CNOT4: variants seen among roughly 807,000 people sequenced by gnomAD.
CNOT4 encodes the protein CCR4-NOT transcription complex subunit 4, also known as CCR4-associated factor 4.
A neutral mutation model predicts 73.8 loss-of-function variants in CNOT4; 8 were observed. That is an observed-to-expected ratio of 0.11 (90% CI 0.06 to 0.20). The LOEUF is 0.20. Ranked by LOEUF, CNOT4 falls within the 10% of genes least tolerant of loss-of-function variation. The probability of loss-of-function intolerance (pLI) is 1.00; values close to 1 mark genes in which losing one functional copy is unlikely to be tolerated. For missense variants in CNOT4, 564 were observed against 883.4 expected (o/e 0.64, Z 4.58); for synonymous variants, 293 against 321.1 (o/e 0.91, Z 0.94).
chr7:135,384,485 C>T, intron 10 of CNOT4: 4 of 528,576 alleles, frequency 7.6e-6, no homozygotes, highest in Non-Finnish European at 1.4e-5. Context: ...CGGGGTTTCA[C>T]CGTGTTAGCC....
chr7:135,508,717 C>T (rs537129010), intron 1 of CNOT4, among the ~76,000 whole-genome samples: 40 of 152,298 alleles, frequency 2.6e-4, no homozygotes, highest in African/African-American at 9.1e-4. Flanking sequence ...AATCAAGCCT[C>T]AATACAGAAC....
intron 10 of CNOT4, among the ~76,000 whole-genome samples, chr7:135,374,130 C>T (rs532240660): frequency 2.0e-5 from 3 of 152,216 alleles, no homozygotes; most frequent in South Asian, 2.1e-4. Context: ...TTGGAAAAGT[C>T]CTTATATATC....
In CNOT4 at chr7:135,502,681, T is replaced by C. The variant is rs182488370; in HGVS notation, c.-93+7208A>G. On this transcript the variant is annotated intron_variant, in intron 1 of 11. Coordinates refer to ENST00000541284, the MANE Select transcript of CNOT4 (RefSeq NM_001190850.2). ...AATACAAAAACTTAGCCAGGTGTGG[T>C]GGCGGGCGCCTGTAATCCCAGCTAC... 2.2e-3 allele frequency among the ~76,000 whole-genome samples: 333 copies of C among 149,270 alleles called. 10 individuals are homozygous for C. In the East Asian group the frequency reaches 0.055, roughly 25 times the overall value.
Position 135,395,698 on chromosome 7 carries a change from G to A in CNOT4, c.1065C>T (p.Pro355=), listed in dbSNP as rs368540727. The change falls in exon 9 of 12, where the codon CCC becomes CCT. Residue 355 remains proline (P), a synonymous_variant. Transcript: ENST00000541284. ...NPIPSGLPPF[P]SSPQTSSDWP... ...AGTCACTGGATGTCTGTGGGGAGCT[G>A]GGGAAAGGAGGAAGCCCACTTGGGA... 5 of 1,614,012 alleles carry A rather than the reference G, an allele frequency of 3.1e-6. No homozygotes were observed. The highest frequency in any genetic ancestry group is 1.7e-5 in the Admixed American group (1 of 60,018).
intron 2 of CNOT4, among the ~76,000 whole-genome samples, chr7:135,437,082 A>G (rs566698843): frequency 1.4e-3 from 206 of 152,386 alleles, no homozygotes; most frequent in African/African-American, 4.5e-3. Context: ...CTATCCTAGT[A>G]GTTAATTCAC....
chr7:135,385,601 A>G (rs914989821), intron 10 of CNOT4, among the ~76,000 whole-genome samples: 8 of 152,204 alleles, frequency 5.3e-5, no homozygotes, highest in Admixed American at 1.3e-4. Context: ...GCTCACACAC[A>G]CGTAGAATAA....
chr7:135,459,205 G>A (rs1800725544), intron 1 of CNOT4, among the ~76,000 whole-genome samples: 1 of 151,978 alleles, frequency 6.6e-6, no homozygotes, highest in Non-Finnish European at 1.5e-5. Flanking sequence ...AGTTTGAAAG[G>A]AATCTTTTTT....
chr7:135,410,409 T>C, intron 7 of CNOT4, 106 bp downstream of exon 7: 1 of 738,902 alleles, frequency 1.4e-6, no homozygotes, highest in Non-Finnish European at 2.1e-6. Context: ...TCTGCATAAA[T>C]GACAGACCTT....
intron 1 of CNOT4, among the ~76,000 whole-genome samples, chr7:135,468,550 G>A (rs1801370441): frequency 6.6e-6 from 1 of 151,558 alleles, no homozygotes; most frequent in Admixed American, 6.6e-5. Context: ...GTGTGGTGGT[G>A]GGCACCTGTA....
chr7:135,495,341 C>T (rs1441882155), intron 1 of CNOT4, among the ~76,000 whole-genome samples: 1 of 151,724 alleles, frequency 6.6e-6, no homozygotes, highest in African/African-American at 2.4e-5. Flanking sequence ...CCTGTCTCTA[C>T]TAAAAATACA....
In CNOT4 at chr7:135,398,213, G is replaced by T. The variant is rs1252911687; in HGVS notation, c.835C>A (p.Pro279Thr). 1 of 1,529,958 alleles carries T rather than the reference G, an allele frequency of 6.5e-7. No homozygotes were observed. The highest frequency in any genetic ancestry group is 1.7e-5 in the Admixed American group (1 of 59,462). 94.8% of individuals were successfully genotyped at this position (1,529,958 alleles called of 1,614,324 possible). ...LQRYDTPIDK[P>T]SDSLSIGNGD... ...TTCCCTATACTGAGAGAATCTGAAGGTTTGTCAATGGGGCTATAAAAAGAA... is the reference window on the plus strand; with the variant it reads ...TTCCCTATACTGAGAGAATCTGAAGTTTTGTCAATGGGGCTATAAAAAGAA... Residue 279 changes from proline (P) to threonine (T), a missense_variant, in exon 8 of 12, where the codon CCT (proline) becomes ACT (threonine). Physicochemically the swap from Pro to Thr is conservative, Grantham distance 38. Coordinates refer to ENST00000541284, the MANE Select transcript of CNOT4 (RefSeq NM_001190850.2).
intron 5 of CNOT4, 29 bp from the exon 6 acceptor site, chr7:135,413,642 G>A: frequency 6.2e-7 from 1 of 1,600,514 alleles, no homozygotes; most frequent in Non-Finnish European, 8.5e-7. Flanking sequence ...TAAAGGAAAA[G>A]AAGACTCAAT....
At chr7:135,457,358 T>C (rs558223483) in intron 1 of CNOT4, among the ~76,000 whole-genome samples, 13 of 152,010 alleles carry the variant, frequency 8.6e-5, no homozygotes, top group Non-Finnish European at 1.5e-4. Flanking sequence ...TGAGGTTTAA[T>C]TTTATGATTT....
chr7:135,454,862 T>C lies in CNOT4; in HGVS notation c.-92-16439A>G, dbSNP rs1286268388. 5.3e-5 allele frequency among the ~76,000 whole-genome samples: 8 copies of C among 152,070 alleles called. No homozygotes were observed. The East Asian group carries it at 1.4e-3, about 26-fold the overall frequency. ...TCATGCCACTTCACTCCAGCCTGTGTGACAGAGTGACAGCGTCTCAAAATA... is the reference window on the plus strand; with the variant it reads ...TCATGCCACTTCACTCCAGCCTGTGCGACAGAGTGACAGCGTCTCAAAATA... On this transcript the variant is annotated intron_variant, in intron 1 of 11. Transcript: ENST00000541284.
intron 10 of CNOT4, among the ~76,000 whole-genome samples, chr7:135,377,388 A>G (rs1795580372): frequency 6.6e-6 from 1 of 152,220 alleles, no homozygotes; most frequent in South Asian, 2.1e-4. Context: ...AATGGAGAAC[A>G]CTGTGCATGT....
At chr7:135,433,652 C>A (rs1174433604) in intron 2 of CNOT4, among the ~76,000 whole-genome samples, 3 of 152,128 alleles carry the variant, frequency 2.0e-5, no homozygotes, top group African/African-American at 7.2e-5. Flanking sequence ...GCCACCATGT[C>A]CAAACCACCA....
At chr7:135,394,613 T>C (rs1346307816) in intron 9 of CNOT4, among the ~76,000 whole-genome samples, 198 bp from the exon 10 acceptor site, 2 of 152,200 alleles carry the variant, frequency 1.3e-5, no homozygotes, top group African/African-American at 4.8e-5. Flanking sequence ...ACTCTTAAGC[T>C]ACTAGCTTCA....
chr7:135,500,198 CAG>C (rs1803868752), intron 1 of CNOT4, among the ~76,000 whole-genome samples: 1 of 152,154 alleles, frequency 6.6e-6, no homozygotes, highest in Non-Finnish European at 1.5e-5. Context: ...GAGATGTTTT[CAG>C]ACTCAACTGT....
intron 8 of CNOT4, 111 bp downstream of exon 8, chr7:135,398,058 A>T (rs756211237): frequency 1.0e-5 from 7 of 691,874 alleles, no homozygotes; most frequent in Admixed American, 2.5e-5. Flanking sequence ...TGAGCATCAA[A>T]AGTGTTTTTA....
Sources: allele counts gnomAD v4.1 joint callset (sites outside exome capture counted in the v4.1 genomes callset), GRCh38; gene constraint gnomAD v4.1.1; transcripts MANE v1.5; gene names NCBI Gene and HGNC (gene_info 2026-07-23, HGNC 2026-07-21).